The following RHBDF2 variants were observed in gnomAD, a reference collection of about 807,000 sequenced individuals.
RHBDF2 encodes inactive rhomboid protein 2.
In RHBDF2, 38 loss-of-function variants were observed where a neutral mutation model predicts 95.2. That is an observed-to-expected ratio of 0.40 (90% CI 0.31 to 0.52). The LOEUF (loss-of-function observed/expected upper bound fraction) is 0.52. RHBDF2 is among the 20% of genes least tolerant of loss of function. The probability of loss-of-function intolerance (pLI) is 0.56; values close to 1 mark genes in which losing one functional copy is unlikely to be tolerated. For missense variants in RHBDF2, 863 were observed against 1,137.7 expected, an observed-to-expected ratio of 0.76 and a Z score of 3.47; for synonymous variants, 442 against 462.0, an observed-to-expected ratio of 0.96 and a Z score of 0.55.
intron 1 of RHBDF2, 156 bp downstream of exon 1, chr17:76,501,197 G>A (rs984812028): frequency 2.0e-5 from 3 of 152,266 alleles, no homozygotes; most frequent in African/African-American, 7.2e-5. Flanking sequence ...GCCCACGTGG[G>A]ACCCAGGCGC....
intron 1 of RHBDF2, among the ~76,000 whole-genome samples, chr17:76,489,036 G>A (rs2074225609): frequency 6.6e-6 from 1 of 152,018 alleles, no homozygotes; most frequent in South Asian, 2.1e-4. Context: ...TGAGGCAGGA[G>A]AGTTACTTGA....
rs765474443 is a variant in RHBDF2, at chr17:76,478,788, C to G, written c.672+18G>C. ...AGGCCGGGCAGAGGTGGGGGCCCTGCAGGAGGGAGCCCCGCACCTTGAGGA... is the reference window on the plus strand; with the variant it reads ...AGGCCGGGCAGAGGTGGGGGCCCTGGAGGAGGGAGCCCCGCACCTTGAGGA... On this transcript the variant is annotated intron_variant, in intron 6 of 18. Transcript: ENST00000675367. 1.2e-5 allele frequency: 20 copies of G among 1,601,380 alleles called. No individual in the cohort carries two copies. The highest frequency in any genetic ancestry group is 1.6e-5 in the Non-Finnish European group (19 of 1,172,982).
chr17:76,476,474 AACTGTCCTCTG>A, intron 9 of RHBDF2: 2 of 230,530 alleles, frequency 8.7e-6, no homozygotes, highest in Non-Finnish European at 1.7e-5. Context: ...CCCAGCTTCT[AACTGTCCTCTG>A]ACCGACCCTG....
chr17:76,497,397 C>T (rs2074453311), intron 1 of RHBDF2, among the ~76,000 whole-genome samples: 1 of 152,166 alleles, frequency 6.6e-6, no homozygotes, highest in African/African-American at 2.4e-5. Context: ...GGAAACCCAC[C>T]CTCACTTCCC....
At chr17:76,480,065 A>C (rs1417561872) in intron 3 of RHBDF2, 1 of 47,162 alleles carries the variant, frequency 2.1e-5, no homozygotes, top group Non-Finnish European at 4.7e-5. Flanking sequence ...ATATATATAT[A>C]TATATATTTT....
At chr17:76,479,492 C>A in intron 4 of RHBDF2, 1 of 796,762 alleles carries the variant, frequency 1.3e-6, no homozygotes, top group Non-Finnish European at 2.1e-6. Flanking sequence ...CCCAGGCACC[C>A]CCACACTGAT....
At chr17:76,498,986 C>T (rs1567894859) in intron 1 of RHBDF2, among the ~76,000 whole-genome samples, 1 of 151,882 alleles carries the variant, frequency 6.6e-6, no homozygotes, top group African/African-American at 2.4e-5. Context: ...GGTTCACACC[C>T]GAGCTCCACT....
chr17:76,500,705 T>C (rs888068102), intron 1 of RHBDF2, among the ~76,000 whole-genome samples: 4 of 152,158 alleles, frequency 2.6e-5, no homozygotes, highest in African/African-American at 9.7e-5. Flanking sequence ...AGGGAACTTA[T>C]CCGTCTCTAT....
chr17:76,471,586 C>G lies in RHBDF2; in HGVS notation c.*47G>C, dbSNP rs746065185. On this transcript the variant is annotated 3_prime_UTR_variant, in exon 19 of 19. Coordinates refer to ENST00000675367, the MANE Select transcript of RHBDF2 (RefSeq NM_001005498.4). ...CTCTGCAGAGGGCAGCCCTCGCAGG[C>G]AGACCCTGTTCCAGCAGGGCTGAGG... is the stretch of plus-strand genomic sequence containing the variant. The G allele has an allele frequency of 1.3e-6, 2 of 1,523,274 alleles. No individual in the cohort carries two copies. The highest frequency in any genetic ancestry group is 1.8e-6 in the Non-Finnish European group (2 of 1,132,492). 94.4% of individuals were successfully genotyped at this position (1,523,274 alleles called of 1,614,324 possible). A position where few individuals can be genotyped will look rare whatever the true frequency, so the allele number is the denominator to read the frequency against.
chr17:76,480,947 T>C (rs920941), intron 3 of RHBDF2, among the ~76,000 whole-genome samples: 65,956 of 152,100 alleles, frequency 0.43, 15,084 homozygotes, highest in East Asian at 0.62. Flanking sequence ...TCAGAAACAC[T>C]GATCTGTTCT....
intron 3 of RHBDF2, among the ~76,000 whole-genome samples, chr17:76,481,051 C>T (rs1349403230): frequency 1.3e-5 from 2 of 152,178 alleles, no homozygotes; most frequent in Admixed American, 6.5e-5. Flanking sequence ...AAGCCCCCAG[C>T]CCTCAGAAGA....
chr17:76,495,751 C>T (rs150760169), intron 1 of RHBDF2, among the ~76,000 whole-genome samples: 3 of 152,292 alleles, frequency 2.0e-5, no homozygotes, highest in East Asian at 3.9e-4. Context: ...GTTCTGCCTC[C>T]GGCTGCATGG....
chr17:76,483,698 G>C (rs2074038752), intron 2 of RHBDF2, among the ~76,000 whole-genome samples: 2 of 152,186 alleles, frequency 1.3e-5, no homozygotes, highest in Admixed American at 1.3e-4. Context: ...TTGAGACATG[G>C]GTCTGATGTT....
chr17:76,496,981 C>T (rs914081297), intron 1 of RHBDF2, among the ~76,000 whole-genome samples: 5 of 152,132 alleles, frequency 3.3e-5, no homozygotes, highest in Non-Finnish European at 7.4e-5. Flanking sequence ...CCAGGATGGT[C>T]CCGATCTCCT....
intron 6 of RHBDF2, among the ~76,000 whole-genome samples, chr17:76,478,386 C>G (rs2073839739): frequency 6.6e-6 from 1 of 152,244 alleles, no homozygotes; most frequent in Admixed American, 6.5e-5. Flanking sequence ...TCCCTGATAA[C>G]AGCCGCTCTC....
chr17:76,475,402 C>T (rs1374165697), intron 9 of RHBDF2, among the ~76,000 whole-genome samples: 29 of 152,168 alleles, frequency 1.9e-4, no homozygotes, highest in African/African-American at 1.2e-4. Flanking sequence ...TTTGCCTGAC[C>T]GACCACCTCT....
At chr17:76,473,184 C>T (rs1013253571) in intron 16 of RHBDF2, 68 bp downstream of exon 16, 2 of 1,588,090 alleles carry the variant, frequency 1.3e-6, no homozygotes, top group Non-Finnish European at 1.7e-6. Flanking sequence ...AGTGCGTGAG[C>T]CCCGGCCCCA....
In RHBDF2 at chr17:76,472,039, C is replaced by T. The variant is rs1337656352; in HGVS notation, c.2078G>A (p.Gly693Asp). The stretch of plus-strand genomic sequence containing the variant: ...GCAGGCGAGGAGGCCGAACTGTGAG[C>T]CGGCCGGGCCCACCTGGGGCGGGGC... ...LPYRAEVGPA[G>D]SQFGLLACLF... The change falls in exon 19 of 19, where the codon GGC becomes GAC. Residue 693 changes from glycine (G) to aspartate (D), a missense_variant. Around this residue, in one of 2 missense-constraint regions of RHBDF2, gnomAD observed 252 missense variants for 412.2 expected, o/e 0.61. Coordinates refer to ENST00000675367, the MANE Select transcript of RHBDF2 (RefSeq NM_001005498.4). 6.4e-7 allele frequency: 1 copy of T among 1,563,224 alleles called. No homozygotes were observed. Among genetic ancestry groups the T allele is most frequent in the Non-Finnish European group, 8.7e-7 (1 of 1,154,152 alleles).
In RHBDF2 at chr17:76,481,290, G is replaced by A. The variant is rs1344290521; in HGVS notation, c.150+85C>T. ...CTGTGGCTCAGGAAGGAGCCCCTCT[G>A]GGAAGTGAAACTGACCAGAAAGTGT... On this transcript the variant is annotated intron_variant, in intron 3 of 18. Coordinates refer to ENST00000675367, the MANE Select transcript of RHBDF2 (RefSeq NM_001005498.4). 6 of 1,463,966 alleles carry A rather than the reference G, an allele frequency of 4.1e-6. No homozygotes were observed. In the African/African-American group the frequency reaches 8.4e-5, roughly 21 times the overall value. 90.7% of individuals were successfully genotyped at this position (1,463,966 alleles called of 1,614,324 possible).
Sources: gnomAD v4.1 joint callset for allele counts (sites outside exome capture counted in the v4.1 genomes callset) on GRCh38, gnomAD v4.1.1 for gene constraint, gnomAD v4.1.1 regional missense constraint, MANE v1.5 for transcripts, NCBI Gene and HGNC (gene_info 2026-07-23, HGNC 2026-07-21) for gene names.